Variants in AMOT observed in about 807,000 individuals in gnomAD.
AMOT encodes angiomotin.
Under a neutral mutation model 67.0 loss-of-function variants are expected in AMOT, and 11 were observed. The observed-to-expected ratio is 0.16, with a 90% CI of 0.10 to 0.27. The LOEUF (loss-of-function observed/expected upper bound fraction) is 0.27. Ranked by LOEUF, AMOT falls within the 10% of genes least tolerant of loss-of-function variation. The pLI is 1.00. For missense variants in AMOT, 753 were observed against 852.0 expected (o/e 0.88, Z 1.45); for synonymous variants, 326 against 321.4 (o/e 1.01, Z -0.15).
At position 112,780,945 on chromosome X, in the gene AMOT, AG is replaced by A; in HGVS notation, c.2413del (p.Leu805Ter). 1 of 1,211,923 alleles carries A rather than the reference AG, an allele frequency of 8.3e-7. No individual in the cohort carries two copies. Among genetic ancestry groups the A allele is most frequent in the Admixed American group, 2.2e-5 (1 of 46,072 alleles). Reference sequence around the variant, plus strand: ...TTCTTCCATGATGGGGGAGCCAGTCAGGGTGGATGAGTGGGAGAGCAAGCCT... The same window carrying A: ...TTCTTCCATGATGGGGGAGCCAGTCAGGTGGATGAGTGGGAGAGCAAGCCT... ...GSGLLSHSSTLTGSPIMEEKR... is the reference protein window; with the variant it reads ...GSGLLSHSSTXTGSPIMEEKR... On this transcript the variant is annotated frameshift_variant, in exon 12 of 14. Transcript: ENST00000371959. LOFTEE classifies it high-confidence loss of function.
chrX:112,835,382 T>A (rs899616845), intron 1 of AMOT, among the ~76,000 whole-genome samples: 9 of 110,818 alleles, frequency 8.1e-5, no homozygotes, highest in Non-Finnish European at 1.3e-4. Flanking sequence ...AGAGTAGATT[T>A]TCAAGAATTG....
At chrX:112,791,277 T>C (rs1299264060) in intron 9 of AMOT, among the ~76,000 whole-genome samples, 1 of 109,716 alleles carries the variant, frequency 9.1e-6, no homozygotes, top group East Asian at 2.9e-4. Context: ...TAATCCCAAC[T>C]ACTCGGGAGG....
intron 5 of AMOT, among the ~76,000 whole-genome samples, 200 bp downstream of exon 5, chrX:112,815,158 G>A (rs1934502703): frequency 9.0e-6 from 1 of 111,616 alleles, no homozygotes; most frequent in South Asian, 3.8e-4. Context: ...TTGTGTAAAT[G>A]TAAGACGTTA....
intron 2 of AMOT, among the ~76,000 whole-genome samples, chrX:112,830,861 C>G (rs1002906166): frequency 5.4e-5 from 6 of 112,046 alleles, no homozygotes; most frequent in Non-Finnish European, 7.5e-5. Flanking sequence ...ATCTGACAGT[C>G]AGCTTGAAGA....
At chrX:112,785,237 T>C (rs2240343) in intron 10 of AMOT, among the ~76,000 whole-genome samples, 12,379 of 111,742 alleles carry the variant, frequency 0.11, 632 homozygotes, top group Admixed American at 0.2. Flanking sequence ...ACAACCTCCA[T>C]CTCAAATTCT....
At chrX:112,832,970 A>T (rs1033289081) in intron 1 of AMOT, among the ~76,000 whole-genome samples, 1 of 112,180 alleles carries the variant, frequency 8.9e-6, no homozygotes, top group Non-Finnish European at 1.9e-5. Context: ...TTGCAAGCAC[A>T]GGGAACCTGC....
chrX:112,834,352 A>AT (rs1234675090), intron 1 of AMOT, among the ~76,000 whole-genome samples: 1 of 111,681 alleles, frequency 9.0e-6, no homozygotes, highest in Non-Finnish European at 1.9e-5. Flanking sequence ...TCGTTTGTCC[A>AT]TATCAAAAAG....
chrX:112,839,768 C>G (rs1051492281), intron 1 of AMOT, among the ~76,000 whole-genome samples: 1 of 111,044 alleles, frequency 9.0e-6, no homozygotes, highest in African/African-American at 3.3e-5. Context: ...TGAAGCCCAT[C>G]TTACTGTTGA....
chrX:112,811,903 C>A (rs1011770333), intron 5 of AMOT, among the ~76,000 whole-genome samples: 1 of 111,184 alleles, frequency 9.0e-6, no homozygotes, highest in Non-Finnish European at 1.9e-5. Flanking sequence ...CCCTAAAAAC[C>A]CCAAGCTTCA....
At chrX:112,834,353 T>C (rs1704191989) in intron 1 of AMOT, among the ~76,000 whole-genome samples, 1 of 111,489 alleles carries the variant, frequency 9.0e-6, no homozygotes, top group South Asian at 3.8e-4. Context: ...CGTTTGTCCA[T>C]ATCAAAAAGA....
chrX:112,805,370 TACACACACACACAC>T (rs55909349), intron 7 of AMOT, among the ~76,000 whole-genome samples: 5,402 of 89,550 alleles, frequency 0.06, 415 homozygotes, highest in African/African-American at 0.2. Context: ...ATACAAAGAA[TACACACACACACAC>T]ACACACACAC....
At chrX:112,827,332 G>C (rs1021538341) in intron 2 of AMOT, among the ~76,000 whole-genome samples, 3 of 112,166 alleles carry the variant, frequency 2.7e-5, no homozygotes, top group Non-Finnish European at 3.8e-5. Context: ...AAGAACTTAT[G>C]TTCATCTACA....
chrX:112,803,721 C>G (rs1934083551), intron 8 of AMOT, among the ~76,000 whole-genome samples: 1 of 112,159 alleles, frequency 8.9e-6, no homozygotes, highest in African/African-American at 3.2e-5. Flanking sequence ...TCTCCAGGAA[C>G]TAGACCTATT....
At chrX:112,833,864 T>C (rs776895101) in intron 1 of AMOT, among the ~76,000 whole-genome samples, 28 of 112,207 alleles carry the variant, frequency 2.5e-4, no homozygotes, top group South Asian at 3.7e-4. Context: ...GTGATTTTTA[T>C]CTTAGTTTGC....
intron 1 of AMOT, among the ~76,000 whole-genome samples, chrX:112,839,170 C>T (rs1448496560): frequency 1.8e-5 from 2 of 112,475 alleles, no homozygotes; most frequent in African/African-American, 6.5e-5. Context: ...TTAAGGACAT[C>T]TCAGTAATAA....
intron 8 of AMOT, among the ~76,000 whole-genome samples, chrX:112,802,096 T>C (rs940481422): frequency 6.2e-5 from 7 of 112,208 alleles, no homozygotes; most frequent in Non-Finnish European, 1.3e-4. Flanking sequence ...ATAACTCTTC[T>C]ATTCATGAAT....
intron 5 of AMOT, among the ~76,000 whole-genome samples, chrX:112,814,513 A>T (rs1171699945): frequency 9.2e-6 from 1 of 108,841 alleles, no homozygotes; most frequent in African/African-American, 3.4e-5. Flanking sequence ...AGACCAAACC[A>T]CAATAGCTCC....
chrX:112,839,253 G>GTA (rs1935224229), intron 1 of AMOT, among the ~76,000 whole-genome samples: 1 of 112,286 alleles, frequency 8.9e-6, no homozygotes. Context: ...GGATGAAAAT[G>GTA]TATACCACAT....
At chrX:112,806,365 G>GTATATA (rs59265644) in intron 7 of AMOT, among the ~76,000 whole-genome samples, 11 of 100,010 alleles carry the variant, frequency 1.1e-4, no homozygotes, top group African/African-American at 4.0e-4. Context: ...AAACGTGTGT[G>GTATATA]TATATATATA....
Sources: allele counts gnomAD v4.1 joint callset (sites outside exome capture counted in the v4.1 genomes callset), GRCh38; gene constraint gnomAD v4.1.1; transcripts MANE v1.5; gene names NCBI Gene and HGNC (gene_info 2026-07-23, HGNC 2026-07-21).